Variants in FBXW10B observed in about 807,000 individuals in gnomAD.
FBXW10B encodes the protein F-box and WD repeat domain containing protein 10B.
chr17:15,587,459 G>A, the FBXW10B span, among the ~76,000 whole-genome samples: 1 of 151,598 alleles, frequency 6.6e-6, no homozygotes, highest in Non-Finnish European at 1.5e-5. Flanking sequence ...CTGCAGGCCA[G>A]GTAGGAAAGA....
At chr17:15,618,958 G>T in the FBXW10B span, 1 of 1,588,412 alleles carries the variant, frequency 6.3e-7, no homozygotes, top group East Asian at 2.3e-5. Context: ...CTGAAGCCTT[G>T]CCTTCTGGTC....
chr17:15,569,799 TC>T, the FBXW10B span, among the ~76,000 whole-genome samples: 1 of 152,154 alleles, frequency 6.6e-6, no homozygotes, highest in African/African-American at 2.4e-5. Context: ...GGTCTCAAAC[TC>T]CTGGCCTCAA....
the FBXW10B span, chr17:15,588,721 C>T: frequency 1.4e-6 from 1 of 722,268 alleles, no homozygotes; most frequent in South Asian, 1.6e-5. Context: ...TTCCCCATAT[C>T]CAGGAATCAG....
At chr17:15,619,628 A>G in the FBXW10B span, 31 of 1,510,116 alleles carry the variant, frequency 2.1e-5, no homozygotes, top group Non-Finnish European at 2.5e-5. Flanking sequence ...TTCTATTACA[A>G]ACGTCTCCCA....
At chr17:15,619,420 C>A in the FBXW10B span, 1 of 1,613,946 alleles carries the variant, frequency 6.2e-7, no homozygotes, top group Non-Finnish European at 8.5e-7. Flanking sequence ...CTAAGACACG[C>A]GTCTCACACT....
At chr17:15,617,567 G>C in the FBXW10B span, among the ~76,000 whole-genome samples, 1 of 152,130 alleles carries the variant, frequency 6.6e-6, no homozygotes, top group Admixed American at 6.5e-5. Flanking sequence ...TGGGTCATGG[G>C]GGCAGATTCC....
the FBXW10B span, among the ~76,000 whole-genome samples, chr17:15,569,750 T>A: frequency 3.3e-5 from 5 of 152,114 alleles, no homozygotes; most frequent in African/African-American, 1.2e-4. Context: ...TGTTTTTAAA[T>A]TTTTTGTAGA....
the FBXW10B span, chr17:15,596,776 AAGTC>A: frequency 0.15 from 210,212 of 1,370,374 alleles, 19,197 homozygotes; most frequent in African/African-American, 0.36. Context: ...CGAGCCCATC[AAGTC>A]AGATTCTAGA....
At chr17:15,599,237 A>G in the FBXW10B span, among the ~76,000 whole-genome samples, 20 of 142,574 alleles carry the variant, frequency 1.4e-4, no homozygotes, top group Non-Finnish European at 2.1e-4. Flanking sequence ...ATGGACTAAT[A>G]CAGTGATTGT....
At chr17:15,585,422 ATCT>A in the FBXW10B span, among the ~76,000 whole-genome samples, 1 of 152,232 alleles carries the variant, frequency 6.6e-6, no homozygotes, top group Non-Finnish European at 1.5e-5. Flanking sequence ...CATTTAGTCT[ATCT>A]GTAAAGAACT....
the FBXW10B span, among the ~76,000 whole-genome samples, chr17:15,611,281 C>T: frequency 1.3e-5 from 2 of 152,184 alleles, no homozygotes; most frequent in Non-Finnish European, 2.9e-5. Context: ...CTCGGCCTCC[C>T]AAAGTGCTGG....
the FBXW10B span, among the ~76,000 whole-genome samples, chr17:15,590,261 C>T: frequency 6.6e-6 from 1 of 151,730 alleles, no homozygotes. Flanking sequence ...GGTGAGGGCT[C>T]AATTTGGGAT....
At chr17:15,601,144 T>C in the FBXW10B span, among the ~76,000 whole-genome samples, 2 of 148,230 alleles carry the variant, frequency 1.3e-5, no homozygotes, top group Non-Finnish European at 3.0e-5. Context: ...GTGCAGTAGC[T>C]CACGCCTGTA....
chr17:15,569,629 T>G, the FBXW10B span, among the ~76,000 whole-genome samples: 3 of 151,776 alleles, frequency 2.0e-5, no homozygotes, highest in African/African-American at 7.3e-5. Flanking sequence ...CTAGGTAATT[T>G]TTTTTTACTT....
chr17:15,613,369 C>T, the FBXW10B span, among the ~76,000 whole-genome samples: 1 of 134,126 alleles, frequency 7.5e-6, no homozygotes, highest in Non-Finnish European at 1.5e-5. Context: ...GTTGGAAAGG[C>T]TCTGTCTCTC....
the FBXW10B span, among the ~76,000 whole-genome samples, chr17:15,585,299 T>C: frequency 2.6e-5 from 4 of 152,106 alleles, no homozygotes; most frequent in Non-Finnish European, 4.4e-5. Flanking sequence ...ATGAGGGAAC[T>C]TCAAAAAGAT....
chr17:15,594,891 C>T, the FBXW10B span: 2 of 1,608,596 alleles, frequency 1.2e-6, no homozygotes, highest in Non-Finnish European at 1.7e-6. Flanking sequence ...CACTGAGAGT[C>T]TGCAAGAAAA....
chr17:15,570,210 C>T, the FBXW10B span, among the ~76,000 whole-genome samples: 1 of 152,170 alleles, frequency 6.6e-6, no homozygotes, highest in Non-Finnish European at 1.5e-5. Flanking sequence ...AGAAGGAATA[C>T]ATGGCATCTG....
the FBXW10B span, among the ~76,000 whole-genome samples, chr17:15,599,989 A>G: frequency 6.6e-6 from 1 of 151,768 alleles, no homozygotes; most frequent in East Asian, 2.0e-4. Flanking sequence ...GGCTGAGGCA[A>G]GCAGATCACG....
Sources: allele counts gnomAD v4.1 joint callset (sites outside exome capture counted in the v4.1 genomes callset), GRCh38; gene constraint gnomAD v4.1.1; transcripts MANE v1.5; gene names NCBI Gene and HGNC (gene_info 2026-07-23, HGNC 2026-07-21).